Variants in RANBP2 observed in about 807,000 individuals in gnomAD.
RANBP2 encodes RAN binding protein 2.
Under a neutral mutation model 303.6 loss-of-function variants are expected in RANBP2, and 57 were observed. The observed-to-expected ratio is 0.19, with a 90% confidence interval of 0.15 to 0.23. RANBP2 has a LOEUF of 0.23. Ranked by LOEUF, RANBP2 falls within the 10% of genes least tolerant of loss-of-function variation. The pLI is 1.00. For synonymous variants in RANBP2, 1,167 were observed against 1,301.5 expected (o/e 0.90, Z 2.23); for missense variants, 3,138 against 3,780.8 (o/e 0.83, Z 4.46).
chr2:109,096,233 T>C, the RANBP2 span, among the ~76,000 whole-genome samples: 2 of 152,234 alleles, frequency 1.3e-5, no homozygotes, highest in African/African-American at 4.8e-5. Flanking sequence ...ATCAAAACCA[T>C]ACAGGAAACA....
At chr2:109,641,893 C>T in the RANBP2 span, among the ~76,000 whole-genome samples, 17 of 152,166 alleles carry the variant, frequency 1.1e-4, no homozygotes, top group Admixed American at 6.5e-5. Context: ...GCAACCTATG[C>T]CTGCTGGGTT....
chr2:109,733,099 A>G, the RANBP2 span: 1 of 546,930 alleles, frequency 1.8e-6, no homozygotes, highest in Non-Finnish European at 3.7e-6. Context: ...GAGTTAGGAG[A>G]AGAGAGAGAT....
At chr2:108,779,947 A>T (rs921479905) in intron 25 of RANBP2, among the ~76,000 whole-genome samples, 6 of 152,254 alleles carry the variant, frequency 3.9e-5, no homozygotes, top group Admixed American at 6.5e-5. Flanking sequence ...CATTGTGGCT[A>T]ATTTGGAAGT....
At chr2:109,454,759 G>A in the RANBP2 span, among the ~76,000 whole-genome samples, 2 of 152,140 alleles carry the variant, frequency 1.3e-5, no homozygotes, top group East Asian at 3.9e-4. Flanking sequence ...TGCTGTGTGC[G>A]AGTCCTGACA....
the RANBP2 span, among the ~76,000 whole-genome samples, chr2:108,923,749 C>T: frequency 7.9e-5 from 12 of 152,262 alleles, no homozygotes; most frequent in Non-Finnish European, 1.0e-4. Context: ...ATCACATCAT[C>T]CACCAGAAAT....
chr2:109,717,207 T>A, the RANBP2 span, among the ~76,000 whole-genome samples: 1 of 107,440 alleles, frequency 9.3e-6, no homozygotes, highest in Non-Finnish European at 1.8e-5. Context: ...GATCAATATA[T>A]AAAAATCAAA....
the RANBP2 span, among the ~76,000 whole-genome samples, chr2:108,797,941 G>GGCCACTTTTCAC: frequency 6.8e-6 from 1 of 147,850 alleles, no homozygotes; most frequent in Admixed American, 7.1e-5. Context: ...TTCGCAATGG[G>GGCCACTTTTCAC]GCCACTTTTC....
chr2:109,557,980 A>G, the RANBP2 span, among the ~76,000 whole-genome samples: 1 of 151,898 alleles, frequency 6.6e-6, no homozygotes, highest in East Asian at 1.9e-4. Context: ...CTTTGTAGAG[A>G]CAGAGTTTTG....
the RANBP2 span, among the ~76,000 whole-genome samples, chr2:109,364,120 C>T: frequency 6.7e-6 from 1 of 149,918 alleles, no homozygotes; most frequent in South Asian, 2.1e-4. Context: ...ACAATTCTTG[C>T]TTTGAAGTTG....
chr2:109,458,599 A>AGAGAGAGAGAGAGAGAGAGAGAGAGG, the RANBP2 span, among the ~76,000 whole-genome samples: 4 of 150,484 alleles, frequency 2.7e-5, no homozygotes, highest in African/African-American at 5.0e-5. Flanking sequence ...AGAGAGAGAG[A>AGAGAGAGAGAGAGAGAGAGAGAGAGG]GAATTTATTT....
the RANBP2 span, among the ~76,000 whole-genome samples, chr2:109,330,152 C>T: frequency 6.6e-6 from 1 of 152,232 alleles, no homozygotes; most frequent in Non-Finnish European, 1.5e-5. Flanking sequence ...CTGTGAGATA[C>T]TTAGAGGGAA....
chr2:109,167,336 A>G, the RANBP2 span, among the ~76,000 whole-genome samples: 1 of 152,230 alleles, frequency 6.6e-6, no homozygotes, highest in Non-Finnish European at 1.5e-5. Flanking sequence ...CAGCACTTGC[A>G]GGTGGAACAT....
the RANBP2 span, among the ~76,000 whole-genome samples, chr2:109,086,085 T>C: frequency 6.6e-6 from 1 of 152,222 alleles, no homozygotes; most frequent in Non-Finnish European, 1.5e-5. Context: ...GTTTCATCCA[T>C]GTTGTAGCAT....
chr2:109,642,577 G>A, the RANBP2 span, among the ~76,000 whole-genome samples: 28 of 151,310 alleles, frequency 1.9e-4, no homozygotes, highest in East Asian at 1.6e-3. Context: ...GTGAAACCCC[G>A]TCTCTACTAA....
the RANBP2 span, among the ~76,000 whole-genome samples, chr2:109,422,426 G>A: frequency 6.6e-6 from 1 of 152,176 alleles, no homozygotes; most frequent in Admixed American, 6.5e-5. Flanking sequence ...TCAGTGTGTC[G>A]ATGGCTGGAT....
the RANBP2 span, among the ~76,000 whole-genome samples, chr2:109,157,417 A>C: frequency 6.6e-6 from 1 of 152,240 alleles, no homozygotes. Context: ...GAATATGTGT[A>C]ATGTTGCCTT....
chr2:109,449,389 C>G, the RANBP2 span: 1 of 1,612,408 alleles, frequency 6.2e-7, no homozygotes, highest in South Asian at 1.1e-5. Context: ...GTCAGTGCCG[C>G]AAACCTCAAC....
the RANBP2 span, among the ~76,000 whole-genome samples, chr2:108,861,841 C>G: frequency 6.6e-6 from 1 of 152,102 alleles, no homozygotes; most frequent in Admixed American, 6.6e-5. Flanking sequence ...CCAGCCTAAA[C>G]TTTCTTCTTA....
chr2:109,441,895 C>T, the RANBP2 span, among the ~76,000 whole-genome samples: 1 of 152,102 alleles, frequency 6.6e-6, no homozygotes, highest in Non-Finnish European at 1.5e-5. Context: ...AACCAAAAAA[C>T]ATACTGAAAG....
Sources: gnomAD v4.1 joint callset for allele counts (sites outside exome capture counted in the v4.1 genomes callset) on GRCh38, gnomAD v4.1.1 for gene constraint, MANE v1.5 for transcripts, NCBI Gene and HGNC (gene_info 2026-07-23, HGNC 2026-07-21) for gene names.